Variants in CFDP1 observed in about 807,000 individuals in gnomAD.
CFDP1 encodes the protein heterochromatin-stabilizing protein CFDP1.
In CFDP1, 31 loss-of-function variants were observed where a neutral mutation model predicts 40.1. That is an observed-to-expected ratio of 0.77 (90% CI 0.58 to 1.04). The LOEUF (loss-of-function observed/expected upper bound fraction) is 1.04, where lower values mean the gene tolerates loss of function less well. CFDP1 is among the 50% of genes least tolerant of loss of function. The pLI is 0.00. For synonymous variants in CFDP1, 167 were observed against 120.0 expected (o/e 1.39, Z -2.56); for missense variants, 423 against 343.4 (o/e 1.23, Z -1.83).
chr16:75,360,923 TG>T (rs1260209297), intron 5 of CFDP1, among the ~76,000 whole-genome samples: 4 of 152,230 alleles, frequency 2.6e-5, no homozygotes, highest in Non-Finnish European at 4.4e-5. Flanking sequence ...AAACAGCAGT[TG>T]ATCTTCCACA....
At chr16:75,349,586 G>A (rs1312700483) in intron 5 of CFDP1, among the ~76,000 whole-genome samples, 4 of 138,052 alleles carry the variant, frequency 2.9e-5, no homozygotes, top group African/African-American at 8.1e-5. Flanking sequence ...CCCAGGTTGA[G>A]AATGCAGTGA....
rs116454518 is a variant in CFDP1, at chr16:75,418,813, G to A, written c.65-4118C>T. On this transcript the variant is annotated intron_variant, in intron 1 of 6. Coordinates refer to ENST00000283882, the MANE Select transcript of CFDP1 (RefSeq NM_006324.3). ...AAACCAGGACATTTTTCTGTGCCAG[G>A]AAGTCAGGAAGCTATTTAAAAATAA... is the stretch of plus-strand genomic sequence containing the variant. Among the ~76,000 whole-genome samples, 1,155 of 151,464 alleles carry A rather than the reference G, an allele frequency of 7.6e-3. 20 individuals carry two copies. Among genetic ancestry groups the A allele is most frequent in the African/African-American group, 0.026 (1,058 of 41,292 alleles).
rs541704099 is a variant in CFDP1 at position 75,400,312 on chromosome 16, T to C, written c.531-5103A>G. On this transcript the variant is annotated intron_variant, in intron 4 of 6. Transcript: ENST00000283882. Reference sequence around the variant, plus strand: ...AAACAAAACAAAACAAAAAAGAAGGTAGAAAGCAAGTAGACAAGTAATAAC... The same window carrying C: ...AAACAAAACAAAACAAAAAAGAAGGCAGAAAGCAAGTAGACAAGTAATAAC... Among the ~76,000 whole-genome samples, 7 of 151,738 alleles carry C rather than the reference T, an allele frequency of 4.6e-5. No homozygotes were observed. In the South Asian group the frequency reaches 1.5e-3, roughly 32 times the overall value.
At chr16:75,416,678 G>A (rs1377390772) in intron 1 of CFDP1, among the ~76,000 whole-genome samples, 2 of 152,100 alleles carry the variant, frequency 1.3e-5, no homozygotes, top group East Asian at 3.9e-4. Context: ...AGCCTGGGAG[G>A]TCAAAGCTAG....
chr16:75,312,606 C>A (rs892814488), intron 5 of CFDP1, among the ~76,000 whole-genome samples: 2 of 152,126 alleles, frequency 1.3e-5, no homozygotes, highest in African/African-American at 4.8e-5. Context: ...CTAAAACATA[C>A]CTATTTTAGT....
intron 4 of CFDP1, among the ~76,000 whole-genome samples, chr16:75,402,122 G>C (rs1242363514): frequency 6.6e-6 from 1 of 152,030 alleles, no homozygotes; most frequent in Non-Finnish European, 1.5e-5. Context: ...AGTATGCCTA[G>C]AACAACTCCA....
At chr16:75,363,790 T>C (rs913333099) in intron 5 of CFDP1, among the ~76,000 whole-genome samples, 7 of 152,200 alleles carry the variant, frequency 4.6e-5, no homozygotes, top group African/African-American at 1.7e-4. Context: ...AGGAAATTGA[T>C]AGGAGTTTCC....
At chr16:75,308,399 C>T (rs2078272326) in intron 5 of CFDP1, among the ~76,000 whole-genome samples, 1 of 152,178 alleles carries the variant, frequency 6.6e-6, no homozygotes, top group Non-Finnish European at 1.5e-5. Flanking sequence ...CACTCAAAAT[C>T]CTTGTCTTAT....
Position 75,387,645 on chromosome 16 carries a change from T to C in CFDP1, c.650+7445A>G, listed in dbSNP as rs546407197. Reference sequence around the variant, plus strand: ...GCACTTGACACAAGCTGGGCAATGATACTCCTACCTGGCTCTCCATCAACA... The same window carrying C: ...GCACTTGACACAAGCTGGGCAATGACACTCCTACCTGGCTCTCCATCAACA... On this transcript the variant is annotated intron_variant, in intron 5 of 6. Coordinates refer to ENST00000283882, the MANE Select transcript of CFDP1 (RefSeq NM_006324.3). 2.0e-5 allele frequency among the ~76,000 whole-genome samples: 3 copies of C among 152,318 alleles called. No homozygotes were observed. The East Asian group carries it at 5.8e-4, about 29-fold the overall frequency.
chr16:75,373,533 C>T (rs1367843605), intron 5 of CFDP1, among the ~76,000 whole-genome samples: 1 of 152,156 alleles, frequency 6.6e-6, no homozygotes, highest in Non-Finnish European at 1.5e-5. Flanking sequence ...TGCCCACCCC[C>T]CATTCTACCT....
intron 5 of CFDP1, among the ~76,000 whole-genome samples, chr16:75,350,913 C>T (rs1037306186): frequency 9.9e-5 from 15 of 152,110 alleles, no homozygotes; most frequent in Admixed American, 3.3e-4. Flanking sequence ...GGTAACATTA[C>T]TACAAACAGA....
chr16:75,431,438 A>G (rs182661535), intron 1 of CFDP1, among the ~76,000 whole-genome samples: 41 of 121,006 alleles, frequency 3.4e-4, no homozygotes, highest in African/African-American at 1.2e-3. Flanking sequence ...TGGGAGACAG[A>G]GCAAAACTCT....
At chr16:75,342,948 G>A (rs115496652) in intron 5 of CFDP1, among the ~76,000 whole-genome samples, 110 of 152,260 alleles carry the variant, frequency 7.2e-4, no homozygotes, top group African/African-American at 2.6e-3. Flanking sequence ...TAAGGTTGAG[G>A]AGTCTGCCCT....
At chr16:75,337,674 G>C (rs1371364069) in intron 5 of CFDP1, among the ~76,000 whole-genome samples, 2 of 152,150 alleles carry the variant, frequency 1.3e-5, no homozygotes, top group African/African-American at 2.4e-5. Flanking sequence ...TGGCGCAGGA[G>C]GAAGAGACAG....
rs370521169 is a variant in CFDP1 at position 75,376,280 on chromosome 16, T to A, written c.650+18810A>T. Among the ~76,000 whole-genome samples the A allele has an allele frequency of 3.9e-5, 6 of 152,266 alleles. No homozygotes were observed. The East Asian group carries it at 1.2e-3, about 29-fold the overall frequency. On this transcript the variant is annotated intron_variant, in intron 5 of 6. Transcript: ENST00000283882. ...CTACTCCATGACCTAGCAATTCCAT[T>A]CCTAGGTATTTAGGTACCCAAGATA...
At position 75,299,958 on chromosome 16, in the gene CFDP1, C is replaced by A. The variant is rs1400047778; in HGVS notation, c.809+5066G>T. 2.6e-5 allele frequency among the ~76,000 whole-genome samples: 4 copies of A among 152,176 alleles called. No homozygotes were observed. In the South Asian group the frequency reaches 8.3e-4, roughly 32 times the overall value. On this transcript the variant is annotated intron_variant, in intron 6 of 6. Coordinates refer to ENST00000283882, the MANE Select transcript of CFDP1 (RefSeq NM_006324.3). ...ACTACACAGAGACAGTGAGGCTGGG[C>A]TGCAGCGAGCTGGGGGAGAAGAGGA...
intron 1 of CFDP1, among the ~76,000 whole-genome samples, chr16:75,417,758 C>T (rs1043772478): frequency 4.4e-4 from 67 of 152,000 alleles, no homozygotes; most frequent in African/African-American, 1.6e-3. Flanking sequence ...AAGATCTATT[C>T]CCAGGACTTT....
chr16:75,374,376 A>G (rs2078776136), intron 5 of CFDP1, among the ~76,000 whole-genome samples: 1 of 152,240 alleles, frequency 6.6e-6, no homozygotes, highest in African/African-American at 2.4e-5. Context: ...CAAAAAATAC[A>G]AACTTCAGGA....
chr16:75,392,385 A>C (rs569037087), intron 5 of CFDP1, among the ~76,000 whole-genome samples: 1 of 151,928 alleles, frequency 6.6e-6, no homozygotes, highest in African/African-American at 2.4e-5. Flanking sequence ...AGCCCAGGAA[A>C]CAGTGCGAGA....
Sources: allele counts gnomAD v4.1 joint callset (sites outside exome capture counted in the v4.1 genomes callset), GRCh38; gene constraint gnomAD v4.1.1; transcripts MANE v1.5; gene names NCBI Gene and HGNC (gene_info 2026-07-23, HGNC 2026-07-21).